The following PTPRD variants were observed in gnomAD, a reference collection of about 807,000 sequenced individuals.
PTPRD encodes the protein receptor-type tyrosine-protein phosphatase delta.
PTPRD carries 34 observed loss-of-function variants against 214.5 expected under a neutral mutation model. The observed-to-expected ratio is 0.16, with a 90% CI of 0.12 to 0.21. PTPRD has a LOEUF of 0.21. Ranked by LOEUF, PTPRD falls within the 10% of genes least tolerant of loss-of-function variation. PTPRD has a pLI of 1.00. For missense variants in PTPRD, 2,545 were observed against 2,398.7 expected (o/e 1.06, Z -1.27); for synonymous variants, 1,128 against 845.7 (o/e 1.33, Z -5.79).
chr9:9,880,673 A>G (rs2153736576), intron 5 of PTPRD, among the ~76,000 whole-genome samples: 1 of 152,284 alleles, frequency 6.6e-6, no homozygotes, highest in East Asian at 1.9e-4. Context: ...TGTTTTATAC[A>G]CACTGAGCAG....
At chr9:9,287,176 G>C (rs538995875) in intron 9 of PTPRD, among the ~76,000 whole-genome samples, 1 of 151,350 alleles carries the variant, frequency 6.6e-6, no homozygotes, top group East Asian at 2.0e-4. Flanking sequence ...ATTGAGCGGA[G>C]ATCACATCAC....
intron 11 of PTPRD, among the ~76,000 whole-genome samples, chr9:8,966,933 CA>C (rs1212261693): frequency 6.7e-6 from 1 of 149,444 alleles, no homozygotes; most frequent in Non-Finnish European, 1.5e-5. Context: ...AACAAACAAA[CA>C]ACAAAACAAC....
intron 2 of PTPRD, among the ~76,000 whole-genome samples, chr9:10,595,582 T>C (rs1350624564): frequency 2.0e-5 from 3 of 151,684 alleles, no homozygotes; most frequent in Non-Finnish European, 2.9e-5. Context: ...ACACCTATGA[T>C]TTAAATATAA....
At chr9:8,866,441 T>G (rs2098196915) in intron 11 of PTPRD, among the ~76,000 whole-genome samples, 1 of 152,150 alleles carries the variant, frequency 6.6e-6, no homozygotes, top group Admixed American at 6.6e-5. Context: ...GTTTTCCTGA[T>G]TGGCCCCAAT....
chr9:9,194,026 C>T (rs183744949), intron 9 of PTPRD, among the ~76,000 whole-genome samples: 11 of 152,158 alleles, frequency 7.2e-5, no homozygotes, highest in Admixed American at 3.3e-4. Context: ...CCTTATCTTA[C>T]GAGCTTTTCT....
intron 11 of PTPRD, among the ~76,000 whole-genome samples, chr9:8,925,116 C>T (rs768304479): frequency 1.3e-5 from 2 of 152,092 alleles, no homozygotes; most frequent in East Asian, 1.9e-4. Context: ...GTCCTTTGTC[C>T]GATTCTCTTC....
chr9:10,360,018 G>A (rs1468838714), intron 2 of PTPRD, among the ~76,000 whole-genome samples: 1 of 152,176 alleles, frequency 6.6e-6, no homozygotes, highest in Non-Finnish European at 1.5e-5. Context: ...TTTTCTCAAT[G>A]TTCCTTTTCA....
intron 4 of PTPRD, among the ~76,000 whole-genome samples, chr9:9,989,876 T>A (rs1035370900): frequency 6.6e-6 from 1 of 152,192 alleles, no homozygotes; most frequent in Non-Finnish European, 1.5e-5. Context: ...CTCACCTGCA[T>A]GCTCCCTGCA....
rs185347832 is a variant in PTPRD, at chr9:9,983,540, T to C, written c.-471-44930A>G. On this transcript the variant is annotated intron_variant, in intron 4 of 45. Coordinates refer to ENST00000381196, the MANE Select transcript of PTPRD (RefSeq NM_002839.4). ...AAAGCACTTAGTACCAGCTACACCG[T>C]AAGCCCTATGTATAGAGCCATTAGG... is the stretch of plus-strand genomic sequence containing the variant. Among the ~76,000 whole-genome samples, 14 of 152,348 alleles carry C rather than the reference T, an allele frequency of 9.2e-5. 1 individual carries two copies. In the East Asian group the frequency reaches 2.5e-3, roughly 27 times the overall value.
chr9:8,828,473 G>C lies in PTPRD; in HGVS notation c.-103-94527C>G, dbSNP rs910927126. Among the ~76,000 whole-genome samples, 4 of 152,306 alleles carry C rather than the reference G, an allele frequency of 2.6e-5. No individual in the cohort carries two copies. The East Asian group carries it at 5.8e-4, about 22-fold the overall frequency. ...CAGGAACCAAATCACCTGACACCTT[G>C]ATCTTGGACTTCTGGCCTCCAGAAC... On this transcript the variant is annotated intron_variant, in intron 11 of 45. Coordinates refer to ENST00000381196, the MANE Select transcript of PTPRD (RefSeq NM_002839.4).
intron 3 of PTPRD, among the ~76,000 whole-genome samples, chr9:10,284,325 C>T (rs945125838): frequency 1.3e-5 from 2 of 152,080 alleles, no homozygotes; most frequent in Admixed American, 1.3e-4. Flanking sequence ...ACTATTGAAG[C>T]CAATAGTATT....
At chr9:8,324,350 G>A (rs142997807) in intron 44 of PTPRD, among the ~76,000 whole-genome samples, 517 of 152,222 alleles carry the variant, frequency 3.4e-3, no homozygotes, top group African/African-American at 0.011. Flanking sequence ...AATATGCGGC[G>A]TTTGATTTTC....
chr9:10,142,518 G>A (rs1329424216), intron 3 of PTPRD, among the ~76,000 whole-genome samples: 1 of 152,042 alleles, frequency 6.6e-6, no homozygotes, highest in Non-Finnish European at 1.5e-5. Context: ...AAAAACACAT[G>A]AAAAAATGCT....
chr9:9,011,851 T>A (rs142193344), intron 11 of PTPRD, among the ~76,000 whole-genome samples: 7 of 152,302 alleles, frequency 4.6e-5, no homozygotes, highest in African/African-American at 1.7e-4. Context: ...CTCTAAGGTC[T>A]TTCCTTTGGT....
chr9:10,038,727 C>T (rs926684450), intron 3 of PTPRD, among the ~76,000 whole-genome samples: 4 of 152,050 alleles, frequency 2.6e-5, no homozygotes, highest in African/African-American at 9.7e-5. Context: ...ATAATTTGGA[C>T]TCACTTTATA....
At chr9:10,437,063 C>T (rs189557198) in intron 2 of PTPRD, among the ~76,000 whole-genome samples, 7 of 151,842 alleles carry the variant, frequency 4.6e-5, no homozygotes, top group African/African-American at 1.7e-4. Flanking sequence ...CTTAGCACAA[C>T]AACTTGACCT....
intron 3 of PTPRD, among the ~76,000 whole-genome samples, chr9:10,041,453 A>G (rs2097295655): frequency 6.6e-6 from 1 of 151,954 alleles, no homozygotes; most frequent in Non-Finnish European, 1.5e-5. Flanking sequence ...CTTTTTAAGG[A>G]CCTAAAATAA....
intron 2 of PTPRD, among the ~76,000 whole-genome samples, chr9:10,526,048 A>G (rs1301808234): frequency 6.6e-6 from 1 of 152,056 alleles, no homozygotes; most frequent in African/African-American, 2.4e-5. Flanking sequence ...GACTTATCTG[A>G]CCTAGTGGGT....
intron 12 of PTPRD, among the ~76,000 whole-genome samples, chr9:8,694,849 G>A (rs991540752): frequency 3.3e-5 from 5 of 152,024 alleles, no homozygotes; most frequent in East Asian, 1.9e-4. Flanking sequence ...TTCTTACTGT[G>A]GAGCCCCATG....
Sources: allele counts gnomAD v4.1 joint callset (sites outside exome capture counted in the v4.1 genomes callset), GRCh38; gene constraint gnomAD v4.1.1; transcripts MANE v1.5; gene names NCBI Gene and HGNC (gene_info 2026-07-23, HGNC 2026-07-21).